GRIK5: variants seen among roughly 807,000 people sequenced by gnomAD.
The protein encoded by GRIK5 is glutamate receptor ionotropic, kainate 5.
A neutral mutation model predicts 97.4 loss-of-function variants in GRIK5; 43 were observed. The ratio of observed to expected loss-of-function variants is 0.44; its 90% confidence interval spans 0.35 to 0.57. The LOEUF (loss-of-function observed/expected upper bound fraction) is 0.57, where lower values mean the gene tolerates loss of function less well. Ranked by LOEUF, GRIK5 falls within the 20% of genes least tolerant of loss-of-function variation. The pLI, the probability that GRIK5 is intolerant of heterozygous loss-of-function variation, is 0.01. For synonymous variants in GRIK5, 580 were observed against 583.5 expected, an observed-to-expected ratio of 0.99 and a Z score of 0.09; for missense variants, 1,015 against 1,382.0, an observed-to-expected ratio of 0.73 and a Z score of 4.21.
intron 1 of GRIK5, chr19:42,068,618 A>C: frequency 2.4e-6 from 1 of 425,308 alleles, no homozygotes; most frequent in South Asian, 6.9e-5. Context: ...CACAGAATAG[A>C]AAGAGAAATG....
chr19:42,009,750 AG>A (rs2075538254), intron 15 of GRIK5, among the ~76,000 whole-genome samples: 1 of 148,112 alleles, frequency 6.8e-6, no homozygotes, highest in Non-Finnish European at 1.5e-5. Flanking sequence ...CCTGGGCAAC[AG>A]AGTAAGACTT....
chr19:42,005,248 A>AC (rs1180767840), intron 17 of GRIK5, among the ~76,000 whole-genome samples: 3 of 151,070 alleles, frequency 2.0e-5, no homozygotes, highest in South Asian at 2.1e-4. Flanking sequence ...AAAAAAAAAA[A>AC]AAAAAAAAAC....
chr19:42,038,824 G>A (rs1000064731), intron 12 of GRIK5, among the ~76,000 whole-genome samples: 1 of 152,210 alleles, frequency 6.6e-6, no homozygotes, highest in South Asian at 2.1e-4. Context: ...TGTGATGACG[G>A]TGGTGACTAT....
Position 42,042,555 on chromosome 19 carries a change from G to T in GRIK5, c.1470C>A (p.Asn490Lys), listed in dbSNP as rs1170785834. 9.3e-6 allele frequency: 15 copies of T among 1,609,170 alleles called. No individual in the cohort carries two copies. Among genetic ancestry groups the T allele is most frequent in the Non-Finnish European group, 1.3e-5 (15 of 1,179,254 alleles). The change falls in exon 12 of 20, where the codon AAC becomes AAA. Residue 490 changes from asparagine (N) to lysine (K), a missense_variant. Physicochemically the swap from Asn to Lys is moderately conservative, Grantham distance 94. Coordinates refer to ENST00000593562, the MANE Select transcript of GRIK5 (RefSeq NM_002088.5). This position sits in a 1 kb window ranked among gnomAD's most constrained non-coding sequence, Gnocchi z 6.9. ...CCCGGCCCCAGTCCAGCCATACCCG[G>T]TTGATGAGCTCGCCAACCATGCCCG... ...SWTGMVGELI[N>K]RKADLAVAAF...
intron 12 of GRIK5, among the ~76,000 whole-genome samples, chr19:42,024,289 T>C (rs2075741351): frequency 6.6e-6 from 1 of 150,604 alleles, no homozygotes. Context: ...CTCAGGTCAC[T>C]GCAACTTCTG....
At chr19:42,011,404 T>A (rs1341211614) in intron 15 of GRIK5, among the ~76,000 whole-genome samples, 7 of 151,204 alleles carry the variant, frequency 4.6e-5, no homozygotes, top group Non-Finnish European at 1.0e-4. Flanking sequence ...TACAAAAAAA[T>A]TAGCCAGGCG....
intron 12 of GRIK5, among the ~76,000 whole-genome samples, chr19:42,032,826 C>G (rs2075855317): frequency 6.6e-6 from 1 of 152,188 alleles, no homozygotes; most frequent in Non-Finnish European, 1.5e-5. Context: ...TGGCTGCACA[C>G]CTGACACAGC....
intron 15 of GRIK5, among the ~76,000 whole-genome samples, chr19:42,017,644 A>G (rs1438639288): frequency 1.3e-5 from 2 of 152,206 alleles, no homozygotes; most frequent in Admixed American, 1.3e-4. Flanking sequence ...AGAGCCTAGA[A>G]GCAAGAAGAG....
At chr19:42,048,745 T>C (rs1479516947) in intron 11 of GRIK5, among the ~76,000 whole-genome samples, 1 of 151,970 alleles carries the variant, frequency 6.6e-6, no homozygotes, top group East Asian at 1.9e-4. Flanking sequence ...GATTTCCAAA[T>C]AGCCAATAAA....
In GRIK5 at chr19:42,065,905, A is replaced by G. The variant is rs562702226; in HGVS notation, c.-50-85T>C. On this transcript the variant is annotated intron_variant, in intron 1 of 19. Coordinates refer to ENST00000593562, the MANE Select transcript of GRIK5 (RefSeq NM_002088.5). This position sits in a 1 kb window ranked among gnomAD's most constrained non-coding sequence, Gnocchi z 5.8. ...GAGGCCTGCTGGATGGGGTGGTCACAGAAGCCTTGGGGACATTGTTGGCAA... is the reference window on the plus strand; with the variant it reads ...GAGGCCTGCTGGATGGGGTGGTCACGGAAGCCTTGGGGACATTGTTGGCAA... 4 of 696,588 alleles carry G rather than the reference A, an allele frequency of 5.7e-6. No individual in the cohort carries two copies. The African/African-American group carries it at 7.0e-5, about 12-fold the overall frequency. 43.2% of individuals were successfully genotyped at this position (696,588 alleles called of 1,614,324 possible).
Position 42,042,427 on chromosome 19 carries a change from C to A in GRIK5, c.1473+125G>T. 1 of 825,734 alleles carries A rather than the reference C, an allele frequency of 1.2e-6. No homozygotes were observed. The highest frequency in any genetic ancestry group is 1.6e-5 in the South Asian group (1 of 60,994). 51.2% of individuals were successfully genotyped at this position (825,734 alleles called of 1,614,324 possible). A position where few individuals can be genotyped will look rare whatever the true frequency, so the allele number is the denominator to read the frequency against. On this transcript the variant is annotated intron_variant, in intron 12 of 19. Coordinates refer to ENST00000593562, the MANE Select transcript of GRIK5 (RefSeq NM_002088.5). This position sits in a 1 kb window ranked among gnomAD's most constrained non-coding sequence, Gnocchi z 6.9. ...CATCAGTGAGGTGGTGTCAGGGGCC[C>A]TTCATGGCTCCTTCCTCTTCTGCCA... is the stretch of plus-strand genomic sequence containing the variant.
intron 12 of GRIK5, among the ~76,000 whole-genome samples, chr19:42,027,520 C>T (rs1228895307): frequency 6.6e-6 from 1 of 152,160 alleles, no homozygotes; most frequent in Non-Finnish European, 1.5e-5. Flanking sequence ...GGATTCTGCA[C>T]CTTGGGCAAT....
At chr19:42,068,561 C>T (rs1480575821) in intron 1 of GRIK5, 12 of 403,218 alleles carry the variant, frequency 3.0e-5, no homozygotes, top group Non-Finnish European at 5.2e-5. Context: ...GGAAGACAGC[C>T]TCCAAGCTCA....
intron 15 of GRIK5, among the ~76,000 whole-genome samples, chr19:42,007,196 G>A (rs993106330): frequency 6.6e-6 from 1 of 151,524 alleles, no homozygotes; most frequent in Non-Finnish European, 1.5e-5. Context: ...TGGGGTTCAA[G>A]TGATTCTCCT....
chr19:42,023,329 C>T (rs2075726359), intron 12 of GRIK5, among the ~76,000 whole-genome samples: 1 of 152,230 alleles, frequency 6.6e-6, no homozygotes, highest in South Asian at 2.1e-4. Flanking sequence ...AATGTGGATT[C>T]GGAGAATCTC....
chr19:42,058,342 G>A (rs566163896), intron 6 of GRIK5, among the ~76,000 whole-genome samples: 12 of 151,176 alleles, frequency 7.9e-5, no homozygotes, highest in South Asian at 2.1e-4. Context: ...CACCACGCCC[G>A]GCTAATTCTT....
intron 15 of GRIK5, among the ~76,000 whole-genome samples, chr19:42,007,256 G>A (rs970250073): frequency 8.6e-5 from 13 of 152,038 alleles, no homozygotes; most frequent in African/African-American, 2.9e-4. Flanking sequence ...CATCACGCCC[G>A]GCTAATTTTT....
At chr19:42,023,620 C>T (rs937872941) in intron 12 of GRIK5, among the ~76,000 whole-genome samples, 3 of 152,190 alleles carry the variant, frequency 2.0e-5, no homozygotes, top group Non-Finnish European at 4.4e-5. Flanking sequence ...GGGCCCCCAT[C>T]CTTTGTTCCC....
chr19:42,045,592 G>A (rs935380249), intron 11 of GRIK5, among the ~76,000 whole-genome samples: 5 of 152,196 alleles, frequency 3.3e-5, no homozygotes, highest in Non-Finnish European at 7.4e-5. Context: ...CCAGGTCATA[G>A]GCTCTGGACT....
Sources: gnomAD v4.1 joint callset for allele counts (sites outside exome capture counted in the v4.1 genomes callset) on GRCh38, gnomAD v4.1.1 for gene constraint, Gnocchi (gnomAD v3.1) non-coding constraint, MANE v1.5 for transcripts, NCBI Gene and HGNC (gene_info 2026-07-23, HGNC 2026-07-21) for gene names.